The following SLC1A1 variants were observed in gnomAD, a reference collection of about 807,000 sequenced individuals.
SLC1A1 encodes solute carrier family 1 member 1, also known as excitatory amino acid transporter 3.
A neutral mutation model predicts 53.3 loss-of-function variants in SLC1A1; 43 were observed. The observed-to-expected ratio is 0.81, with a 90% CI of 0.63 to 1.04. The LOEUF is 1.04. Among genes scored for constraint, SLC1A1 ranks in the 50% least tolerant of loss-of-function variants. SLC1A1 has a pLI of 0.00. For synonymous variants in SLC1A1, 307 were observed against 243.2 expected (o/e 1.26, Z -2.44); for missense variants, 748 against 664.9 (o/e 1.12, Z -1.37).
In SLC1A1 at chr9:4,533,837, A is replaced by G. The variant is rs1310872268; in HGVS notation, c.92-10730A>G. Among the ~76,000 whole-genome samples the G allele has an allele frequency of 2.6e-5, 4 of 152,338 alleles. No individual in the cohort carries two copies. In the East Asian group the frequency reaches 5.8e-4, roughly 22 times the overall value. On this transcript the variant is annotated intron_variant, in intron 1 of 11. Coordinates refer to ENST00000262352, the MANE Select transcript of SLC1A1 (RefSeq NM_004170.6). ...AAGCACTCCTCAGCAAATGTAAAAG[A>G]ACAGAAATTATAACAAACTGTCTCT... is the stretch of plus-strand genomic sequence containing the variant.
At chr9:4,567,560 C>A in intron 5 of SLC1A1, 109 bp from the exon 6 acceptor site, 1 of 727,796 alleles carries the variant, frequency 1.4e-6, no homozygotes, top group Non-Finnish European at 2.5e-6. Flanking sequence ...ATGTAGATCC[C>A]TTCAGTGGCA....
chr9:4,563,028 T>A, intron 3 of SLC1A1, among the ~76,000 whole-genome samples: 1 of 147,944 alleles, frequency 6.8e-6, no homozygotes. Flanking sequence ...AGATGATGAG[T>A]TAGTGGGTGC....
intron 1 of SLC1A1, among the ~76,000 whole-genome samples, chr9:4,502,264 G>A (rs1820657500): frequency 6.6e-6 from 1 of 151,084 alleles, no homozygotes; most frequent in Admixed American, 6.6e-5. Context: ...GGTCACGCCT[G>A]TAGTCCCAGC....
chr9:4,540,713 C>T (rs1281460392), intron 1 of SLC1A1, among the ~76,000 whole-genome samples: 2 of 152,292 alleles, frequency 1.3e-5, no homozygotes, highest in South Asian at 2.1e-4. Context: ...AGTGACAAAG[C>T]GGCCAGCTAG....
chr9:4,546,521 G>A (rs1817508009), intron 2 of SLC1A1, among the ~76,000 whole-genome samples: 1 of 151,994 alleles, frequency 6.6e-6, no homozygotes, highest in Admixed American at 6.5e-5. Context: ...CATTTAGCTG[G>A]AGCAAATGCA....
At chr9:4,570,183 A>G (rs887237191) in intron 6 of SLC1A1, among the ~76,000 whole-genome samples, 2 of 152,218 alleles carry the variant, frequency 1.3e-5, no homozygotes, top group South Asian at 2.1e-4. Flanking sequence ...CTTGTATCTC[A>G]TAGTTTGGGC....
chr9:4,521,085 C>G (rs1346209930), intron 1 of SLC1A1, among the ~76,000 whole-genome samples: 6 of 152,074 alleles, frequency 3.9e-5, no homozygotes, highest in Non-Finnish European at 5.9e-5. Context: ...GGAGAAATGT[C>G]TATTCAAATA....
chr9:4,580,104 G>T (rs1158071739), intron 10 of SLC1A1, among the ~76,000 whole-genome samples: 2 of 152,012 alleles, frequency 1.3e-5, no homozygotes, highest in Non-Finnish European at 2.9e-5. Context: ...GGTGGCATGT[G>T]CCTGTAGTCC....
intron 2 of SLC1A1, among the ~76,000 whole-genome samples, chr9:4,545,219 C>CTCTCTCTCTCT (rs751195644): frequency 6.7e-6 from 1 of 149,842 alleles, no homozygotes; most frequent in African/African-American, 2.5e-5. Flanking sequence ...CTCTCTCTCT[C>CTCTCTCTCTCT]CACCTCTCTC....
At chr9:4,567,809 C>A in intron 6 of SLC1A1, 42 bp downstream of exon 6, 1 of 1,203,686 alleles carries the variant, frequency 8.3e-7, no homozygotes, top group Non-Finnish European at 1.2e-6. Flanking sequence ...AGGAGACAGG[C>A]ACTGAGTCAT....
intron 2 of SLC1A1, 101 bp downstream of exon 2, chr9:4,544,808 G>C: frequency 9.9e-7 from 1 of 1,012,150 alleles, no homozygotes; most frequent in South Asian, 1.3e-5. Context: ...AGGTTTAATT[G>C]ACTCACAGTT....
intron 2 of SLC1A1, among the ~76,000 whole-genome samples, chr9:4,552,670 A>G (rs1818032223): frequency 6.6e-6 from 1 of 152,086 alleles, no homozygotes; most frequent in African/African-American, 2.4e-5. Context: ...CCAGTGGTTA[A>G]GAGTACAGAC....
chr9:4,527,848 A>G (rs1291250416), intron 1 of SLC1A1, among the ~76,000 whole-genome samples: 1 of 152,140 alleles, frequency 6.6e-6, no homozygotes, highest in Non-Finnish European at 1.5e-5. Context: ...TCTGAAAAGA[A>G]GTGGCATCTC....
intron 10 of SLC1A1, among the ~76,000 whole-genome samples, chr9:4,580,402 G>C (rs751551335): frequency 5.9e-5 from 9 of 151,976 alleles, no homozygotes; most frequent in Non-Finnish European, 2.9e-5. Context: ...GCAACAAGGC[G>C]AGGCCCCGTC....
At chr9:4,578,490 T>C (rs1263783191) in intron 10 of SLC1A1, among the ~76,000 whole-genome samples, 19 of 152,072 alleles carry the variant, frequency 1.2e-4, no homozygotes, top group Non-Finnish European at 8.8e-5. Context: ...GGAAAAATCC[T>C]AATACTAGAA....
At chr9:4,575,595 T>G (rs1247658162) in intron 8 of SLC1A1, among the ~76,000 whole-genome samples, 1 of 152,080 alleles carries the variant, frequency 6.6e-6, no homozygotes, top group Non-Finnish European at 1.5e-5. Context: ...CAGCCCTACC[T>G]GAGGAAGTGA....
intron 2 of SLC1A1, among the ~76,000 whole-genome samples, chr9:4,551,534 G>T (rs1817931268): frequency 6.6e-6 from 1 of 152,178 alleles, no homozygotes; most frequent in Non-Finnish European, 1.5e-5. Context: ...TTAAATGTAA[G>T]CTACTGTTCA....
chr9:4,576,022 A>G lies in SLC1A1; in HGVS notation c.897A>G (p.Val299=). The change falls in exon 9 of 12, where the codon GTA becomes GTG. Residue 299 remains valine, a synonymous_variant. Coordinates refer to ENST00000262352, the MANE Select transcript of SLC1A1 (RefSeq NM_004170.6). ...VLTGLAIHSI[V]ILPLIYFIVV... is the part of the protein sequence containing the mutation. ...ACAGGCTTGCAATCCACTCCATTGTAATTCTCCCGCTGATATATTTCATAG... is the reference window on the plus strand; with the variant it reads ...ACAGGCTTGCAATCCACTCCATTGTGATTCTCCCGCTGATATATTTCATAG... 1.2e-6 allele frequency: 2 copies of G among 1,614,086 alleles called. No homozygotes were observed. Among genetic ancestry groups the G allele is most frequent in the Non-Finnish European group, 1.7e-6 (2 of 1,179,912 alleles).
In SLC1A1 at chr9:4,572,375, C is replaced by G. The variant is rs1313414669; in HGVS notation, c.754C>G (p.Gln252Glu). The change falls in exon 7 of 12, where the codon CAG (glutamine) becomes GAG (glutamate). Residue 252 changes from glutamine (Q) to glutamate (E), a missense_variant. Transcript: ENST00000262352. ...GAGTGATGCAACCATGAAAATCGTTCAGATCATCATGTGGTGAGCAGACAC... is the reference window on the plus strand; with the variant it reads ...GAGTGATGCAACCATGAAAATCGTTGAGATCATCATGTGGTGAGCAGACAC... ...ALSDATMKIVQIIMCYMPLGI... is the reference protein window; with the variant it reads ...ALSDATMKIVEIIMCYMPLGI... 1.2e-6 allele frequency: 2 copies of G among 1,613,760 alleles called. No homozygotes were observed. The highest frequency in any genetic ancestry group is 1.1e-5 in the South Asian group (1 of 91,052).
Sources: gnomAD v4.1 joint callset for allele counts (sites outside exome capture counted in the v4.1 genomes callset) on GRCh38, gnomAD v4.1.1 for gene constraint, MANE v1.5 for transcripts, NCBI Gene and HGNC (gene_info 2026-07-23, HGNC 2026-07-21) for gene names.